PTPRD: variants seen among roughly 807,000 people sequenced by gnomAD.
The protein encoded by PTPRD is protein tyrosine phosphatase receptor type D, also known as receptor-type tyrosine-protein phosphatase delta.
Under a neutral mutation model 214.5 loss-of-function variants are expected in PTPRD, and 34 were observed. The ratio of observed to expected loss-of-function variants is 0.16; its 90% CI spans 0.12 to 0.21. The LOEUF is 0.21. Among genes scored for constraint, PTPRD ranks in the 10% least tolerant of loss-of-function variants. The pLI is 1.00. For synonymous variants in PTPRD, 1,128 were observed against 845.7 expected, an observed-to-expected ratio of 1.33 and a Z score of -5.79; for missense variants, 2,545 against 2,398.7, an observed-to-expected ratio of 1.06 and a Z score of -1.27.
At chr9:8,888,819 A>G (rs567332333) in intron 11 of PTPRD, among the ~76,000 whole-genome samples, 1 of 152,298 alleles carries the variant, frequency 6.6e-6, no homozygotes, top group Non-Finnish European at 1.5e-5. Flanking sequence ...GAGAGAACAC[A>G]GACTTTGGAG....
rs759295947 is a variant in PTPRD at position 8,500,760 on chromosome 9, C to A, written c.2122G>T (p.Glu708Ter). The change falls in exon 24 of 46, where the codon GAA becomes TAA. Residue 708 changes from glutamate (E) to a stop codon, truncating the protein, a stop_gained. Transcript: ENST00000381196. LOFTEE classifies it high-confidence loss of function. ...ESLSVLIRTN[E>*]DVPSGPPRKV... ...CGTAGCGGAGGCAACATACCATCTT[C>A]ATTGGTTCGAATCAACACGGACAAG... The A allele has an allele frequency of 6.2e-7, 1 of 1,613,950 alleles. No homozygotes were observed. The highest frequency in any genetic ancestry group is 1.7e-5 in the Admixed American group (1 of 60,008).
chr9:9,071,410 C>A (rs980816890), intron 10 of PTPRD, among the ~76,000 whole-genome samples: 2 of 152,026 alleles, frequency 1.3e-5, no homozygotes, highest in African/African-American at 4.8e-5. Context: ...CAGGTAAAAG[C>A]CCTTACAAAA....
At chr9:10,426,337 C>T (rs2154518970) in intron 2 of PTPRD, among the ~76,000 whole-genome samples, 1 of 152,030 alleles carries the variant, frequency 6.6e-6, no homozygotes, top group Non-Finnish European at 1.5e-5. Flanking sequence ...ATTGAGCCCT[C>T]ATTCTTGCTT....
At chr9:10,572,815 C>G (rs1324152511) in intron 2 of PTPRD, among the ~76,000 whole-genome samples, 1 of 152,110 alleles carries the variant, frequency 6.6e-6, no homozygotes, top group Non-Finnish European at 1.5e-5. Flanking sequence ...TGATGTCTCT[C>G]TAGAACCAGA....
intron 3 of PTPRD, among the ~76,000 whole-genome samples, chr9:10,140,881 C>T (rs2098979829): frequency 1.3e-5 from 2 of 151,792 alleles, no homozygotes; most frequent in Admixed American, 6.6e-5. Flanking sequence ...TCCAGCAGCA[C>T]ATCAAAAAGC....
chr9:9,958,930 GA>G, intron 4 of PTPRD, among the ~76,000 whole-genome samples: 1 of 152,244 alleles, frequency 6.6e-6, no homozygotes, highest in South Asian at 2.1e-4. Context: ...AGCCATTTTA[GA>G]AAAAGGTTTG....
At chr9:9,292,518 T>C (rs1951516955) in intron 9 of PTPRD, among the ~76,000 whole-genome samples, 1 of 151,510 alleles carries the variant, frequency 6.6e-6, no homozygotes, top group Admixed American at 6.6e-5. Context: ...CAAAGAGTTC[T>C]CATATACTCC....
At chr9:9,952,774 T>C (rs995758655) in intron 4 of PTPRD, among the ~76,000 whole-genome samples, 64 of 152,274 alleles carry the variant, frequency 4.2e-4, no homozygotes, top group African/African-American at 1.3e-3. Context: ...CCTGTAATAC[T>C]GTCATGAACC....
intron 11 of PTPRD, among the ~76,000 whole-genome samples, chr9:8,831,759 T>C (rs1008772289): frequency 6.6e-6 from 1 of 152,194 alleles, no homozygotes; most frequent in Non-Finnish European, 1.5e-5. Context: ...TTCAACACTG[T>C]ATCACTTTTG....
chr9:8,664,810 G>C (rs1224789134), intron 12 of PTPRD, among the ~76,000 whole-genome samples: 2 of 152,162 alleles, frequency 1.3e-5, no homozygotes, highest in Non-Finnish European at 2.9e-5. Flanking sequence ...TTTTCACCAA[G>C]TTTTAAATGC....
chr9:10,601,478 A>G (rs1591781053), intron 2 of PTPRD, among the ~76,000 whole-genome samples: 1 of 151,756 alleles, frequency 6.6e-6, no homozygotes, highest in Non-Finnish European at 1.5e-5. Context: ...AACTGGACTT[A>G]CTACATCTGT....
chr9:8,799,429 G>A (rs1337501059), intron 11 of PTPRD, among the ~76,000 whole-genome samples: 1 of 152,182 alleles, frequency 6.6e-6, no homozygotes, highest in Admixed American at 6.5e-5. Context: ...ACCTGGAATT[G>A]TCCAGTTTGG....
chr9:8,953,501 G>C (rs1257785927), intron 11 of PTPRD, among the ~76,000 whole-genome samples: 1 of 151,786 alleles, frequency 6.6e-6, no homozygotes, highest in Admixed American at 6.6e-5. Flanking sequence ...TTGATAAGTG[G>C]GGACCTAATT....
intron 4 of PTPRD, among the ~76,000 whole-genome samples, chr9:9,994,626 T>C (rs866683570): frequency 5.9e-5 from 9 of 152,090 alleles, no homozygotes; most frequent in African/African-American, 1.7e-4. Context: ...AACAGAAAAT[T>C]ACAAAAGTAA....
intron 9 of PTPRD, among the ~76,000 whole-genome samples, chr9:9,335,305 C>A (rs554192843): frequency 6.6e-6 from 1 of 152,008 alleles, no homozygotes; most frequent in African/African-American, 2.4e-5. Flanking sequence ...TAATTAGACT[C>A]TTTTGGTGAA....
At chr9:9,087,666 GT>G (rs1244239918) in intron 10 of PTPRD, among the ~76,000 whole-genome samples, 3 of 152,100 alleles carry the variant, frequency 2.0e-5, no homozygotes, top group African/African-American at 7.2e-5. Flanking sequence ...ACATGGGGAA[GT>G]GAATATCCCA....
rs568093393 is a variant in PTPRD at position 9,591,118 on chromosome 9, T to G, written c.-286-16337A>C. 1.6e-4 allele frequency among the ~76,000 whole-genome samples: 25 copies of G among 152,024 alleles called. No homozygotes were observed. The East Asian group carries it at 4.1e-3, about 25-fold the overall frequency. On this transcript the variant is annotated intron_variant, in intron 7 of 45. Transcript: ENST00000381196. Reference sequence around the variant, plus strand: ...TGGACCTTAAAATAGGAGGATTGTCTGGGTAGGCCCATTCTAATCACACGA... The same window carrying G: ...TGGACCTTAAAATAGGAGGATTGTCGGGGTAGGCCCATTCTAATCACACGA...
At chr9:10,231,347 T>C (rs1252480041) in intron 3 of PTPRD, among the ~76,000 whole-genome samples, 1 of 148,130 alleles carries the variant, frequency 6.8e-6, no homozygotes, top group Non-Finnish European at 1.5e-5. Flanking sequence ...AAAAAAAAAA[T>C]GGAAGGGTTT....
At chr9:9,961,486 T>A (rs1226102339) in intron 4 of PTPRD, among the ~76,000 whole-genome samples, 3 of 152,176 alleles carry the variant, frequency 2.0e-5, no homozygotes, top group Non-Finnish European at 4.4e-5. Flanking sequence ...AGGTTGAAAG[T>A]TCCCAGGAGC....
Sources: gnomAD v4.1 joint callset for allele counts (sites outside exome capture counted in the v4.1 genomes callset) on GRCh38, gnomAD v4.1.1 for gene constraint, MANE v1.5 for transcripts, NCBI Gene and HGNC (gene_info 2026-07-23, HGNC 2026-07-21) for gene names.